TRIM2: variants seen among roughly 807,000 people sequenced by gnomAD.
TRIM2 encodes tripartite motif containing 2, also known as tripartite motif-containing protein 2.
In TRIM2, 20 loss-of-function variants were observed where a neutral mutation model predicts 75.2. That is an observed-to-expected ratio of 0.27 (90% CI 0.19 to 0.39). The LOEUF is 0.39. TRIM2 is among the 10% of genes least tolerant of loss of function. The pLI is 1.00. For synonymous variants in TRIM2, 373 were observed against 388.3 expected (o/e 0.96, Z 0.46); for missense variants, 660 against 990.8 (o/e 0.67, Z 4.48).
Position 153,166,438 on chromosome 4 carries a change from T to C in TRIM2, c.-49+13168T>C, listed in dbSNP as rs193288246. The stretch of plus-strand genomic sequence containing the variant: ...ATCTGGCAGTAATCTAGGTTTTTCT[T>C]TGGGTGATCCCAAAAGGCAGTGCTG... On this transcript the variant is annotated intron_variant, in intron 1 of 11. Coordinates refer to the TRIM2 transcript ENST00000437508. Among the ~76,000 whole-genome samples the C allele has an allele frequency of 8.5e-5, 13 of 152,278 alleles. No individual in the cohort carries two copies. The East Asian group carries it at 2.3e-3, about 27-fold the overall frequency.
At chr4:153,311,779 C>T (rs1026418948) in intron 6 of TRIM2, among the ~76,000 whole-genome samples, 27 of 148,010 alleles carry the variant, frequency 1.8e-4, no homozygotes, top group African/African-American at 5.8e-4. Context: ...CAGGCTGTCT[C>T]GAACTCTTGG....
chr4:153,200,132 G>A (rs551870255), upstream of TRIM2, among the ~76,000 whole-genome samples: 36 of 152,070 alleles, frequency 2.4e-4, no homozygotes, highest in African/African-American at 8.7e-4. Context: ...GTAAAGACAG[G>A]GTTTCTCCAT....
chr4:153,156,233 TATG>T (rs1429293662), intron 1 of TRIM2, among the ~76,000 whole-genome samples: 1 of 152,222 alleles, frequency 6.6e-6, no homozygotes, highest in Non-Finnish European at 1.5e-5. Flanking sequence ...GCTTCAGTTT[TATG>T]ATTTGATGCT....
intron 1 of TRIM2, among the ~76,000 whole-genome samples, chr4:153,207,802 C>T (rs1735888841): frequency 6.6e-6 from 1 of 152,162 alleles, no homozygotes. Flanking sequence ...TCACGGTTTT[C>T]TATCTGTCCT....
intron 1 of TRIM2, among the ~76,000 whole-genome samples, chr4:153,260,593 T>C (rs1371136474): frequency 6.6e-6 from 1 of 151,252 alleles, no homozygotes; most frequent in Non-Finnish European, 1.5e-5. Context: ...AAAAAGAACC[T>C]TGGAGAGCTT....
chr4:153,267,809 T>C (rs954217919), intron 1 of TRIM2, among the ~76,000 whole-genome samples: 1 of 152,066 alleles, frequency 6.6e-6, no homozygotes, highest in African/African-American at 2.4e-5. Flanking sequence ...TTTCTTTCTT[T>C]CGTAACCACC....
chr4:153,294,187 G>GT (rs1762356578), intron 4 of TRIM2, 118 bp from the exon 5 acceptor site: 4 of 1,038,388 alleles, frequency 3.9e-6, no homozygotes, highest in Non-Finnish European at 4.2e-6. Context: ...TCTGGTTATT[G>GT]TTTTTTTAAA....
intron 1 of TRIM2, among the ~76,000 whole-genome samples, chr4:153,244,179 TCTCCTCCTTCTTCTTCTC>T (rs2149863184): frequency 2.2e-5 from 3 of 138,510 alleles, no homozygotes; most frequent in East Asian, 2.1e-4. Context: ...TTCTTCTTCT[TCTCCTCCTTCTTCTTCTC>T]CTCCTTTTCC....
chr4:153,247,604 G>A (rs569903881), intron 1 of TRIM2, among the ~76,000 whole-genome samples: 1 of 148,794 alleles, frequency 6.7e-6, no homozygotes, highest in African/African-American at 2.5e-5. Context: ...CTTGCACCCA[G>A]GAGGCTGAGG....
At chr4:153,293,244 C>A in intron 4 of TRIM2, 111 bp downstream of exon 4, 1 of 1,123,352 alleles carries the variant, frequency 8.9e-7, no homozygotes, top group Admixed American at 2.6e-5. Flanking sequence ...AGATATCAGG[C>A]TTTGTGGGTA....
chr4:153,160,714 C>A (rs1284997569), intron 1 of TRIM2, among the ~76,000 whole-genome samples: 1 of 152,186 alleles, frequency 6.6e-6, no homozygotes, highest in Non-Finnish European at 1.5e-5. Context: ...TATACTTCAG[C>A]CTCCCAAGTA....
chr4:153,182,417 G>A (rs1732161385), intron 1 of TRIM2, among the ~76,000 whole-genome samples: 1 of 152,138 alleles, frequency 6.6e-6, no homozygotes, highest in Non-Finnish European at 1.5e-5. Flanking sequence ...GAGTCCACCT[G>A]CACAGCTCAC....
intron 1 of TRIM2, chr4:153,157,261 G>C (rs1729319164): frequency 6.6e-6 from 1 of 152,262 alleles, no homozygotes; most frequent in Non-Finnish European, 1.5e-5. Flanking sequence ...ACTATGAGCA[G>C]GTGTCAGGTT....
chr4:153,153,661 G>A (rs1248024517), intron 1 of TRIM2, among the ~76,000 whole-genome samples: 1 of 152,364 alleles, frequency 6.6e-6, no homozygotes, highest in African/African-American at 2.4e-5. Context: ...GAAACGAGAT[G>A]AGGCCAGTGT....
intron 10 of TRIM2, among the ~76,000 whole-genome samples, chr4:153,326,795 AC>A (rs1282851986): frequency 6.6e-6 from 1 of 152,216 alleles, no homozygotes; most frequent in Non-Finnish European, 1.5e-5. Flanking sequence ...CGCCTAGCCA[AC>A]AGGGCGAAAC....
intron 6 of TRIM2, among the ~76,000 whole-genome samples, chr4:153,301,310 A>G (rs1763872350): frequency 6.6e-6 from 1 of 152,132 alleles, no homozygotes; most frequent in African/African-American, 2.4e-5. Context: ...AACTATAGGT[A>G]TGCACACCAC....
At chr4:153,188,047 A>G (rs1732787240) in intron 1 of TRIM2, among the ~76,000 whole-genome samples, 1 of 152,236 alleles carries the variant, frequency 6.6e-6, no homozygotes, top group African/African-American at 2.4e-5. Context: ...GAAGCAGCCA[A>G]GCTTTCCCAT....
rs1740441998 is a variant in TRIM2, at chr4:153,221,971, G to GAAGGAAGGGAGA, written c.30+17411_30+17412insAAGGAAGGGAGA. On this transcript the variant is annotated intron_variant, in intron 1 of 11. Coordinates refer to ENST00000338700, the MANE Select transcript of TRIM2 (RefSeq NM_015271.5). ...AGGAAGGAAGGAAAGAGGGAGGAAG[G>GAAGGAAGGGAGA]GAGGAAGGAAGGAAGGGAGAGAGGA... Among the ~76,000 whole-genome samples, 100 of 91,546 alleles carry GAAGGAAGGGAGA rather than the reference G, an allele frequency of 1.1e-3. 1 individual carries two copies. Among genetic ancestry groups the GAAGGAAGGGAGA allele is most frequent in the African/African-American group, 3.2e-3 (92 of 28,782 alleles). The allele number at this position is 91,546 out of a possible 152,430, so 60.1% of individuals were successfully genotyped here. A position where few individuals can be genotyped will look rare whatever the true frequency, so the allele number is the denominator to read the frequency against.
intron 1 of TRIM2, among the ~76,000 whole-genome samples, chr4:153,235,377 C>T (rs888715186): frequency 7.2e-5 from 11 of 152,082 alleles, no homozygotes; most frequent in Admixed American, 1.3e-4. Context: ...CTTGACCTCC[C>T]GAGCTCAAGG....
Sources: allele counts gnomAD v4.1 joint callset (sites outside exome capture counted in the v4.1 genomes callset), GRCh38; gene constraint gnomAD v4.1.1; transcripts MANE v1.5; gene names NCBI Gene and HGNC (gene_info 2026-07-23, HGNC 2026-07-21).